MRPS15: variants seen among roughly 807,000 people sequenced by gnomAD.
The protein encoded by MRPS15 is mitochondrial ribosomal protein S15, also known as small ribosomal subunit protein uS15m.
Under a neutral mutation model 30.7 loss-of-function variants are expected in MRPS15, and 25 were observed. That is an observed-to-expected ratio of 0.81 (90% CI 0.59 to 1.14). The LOEUF is 1.14. Ranked by LOEUF, MRPS15 falls within the 50% of genes most tolerant of loss-of-function variation. The pLI, the probability that MRPS15 is intolerant of heterozygous loss-of-function variation, is 0.00. For missense variants in MRPS15, 313 were observed against 321.7 expected, an observed-to-expected ratio of 0.97 and a Z score of 0.21; for synonymous variants, 124 against 120.1, an observed-to-expected ratio of 1.03 and a Z score of -0.21.
At position 36,457,989 on chromosome 1, in the gene MRPS15, C is replaced by G. The variant is rs1256325443; in HGVS notation, c.386-8G>C. 9.3e-6 allele frequency: 15 copies of G among 1,613,912 alleles called. No homozygotes were observed. The highest frequency in any genetic ancestry group is 1.2e-5 in the Non-Finnish European group (14 of 1,179,916). ...TGACAGACAAGGCAATAACTGAAAC[C>G]ACAAACCACAGAGGATGAGAGTTGG... On this transcript the variant is annotated splice_polypyrimidine_tract_variant and splice_region_variant and intron_variant, in intron 5 of 7. Coordinates refer to ENST00000373116, the MANE Select transcript of MRPS15 (RefSeq NM_031280.4).
chr1:36,457,880 C>T, intron 6 of MRPS15, 43 bp downstream of exon 6: 2 of 1,599,864 alleles, frequency 1.3e-6, no homozygotes, highest in Middle Eastern at 1.7e-4. Context: ...CCCCTTTCCC[C>T]CAGGCTGCTG....
intron 5 of MRPS15, chr1:36,459,419 AAAG>A (rs1173167828): frequency 6.6e-6 from 1 of 151,976 alleles, no homozygotes; most frequent in Non-Finnish European, 1.5e-5. Flanking sequence ...AAAAAAAAAA[AAAG>A]AATCAAAACT....
intron 5 of MRPS15, chr1:36,459,576 G>C (rs1324591129): frequency 6.6e-6 from 1 of 152,214 alleles, no homozygotes; most frequent in East Asian, 1.9e-4. Context: ...CCTAGCCCAG[G>C]GCTTTAGCAG....
rs1650164789 is a variant in MRPS15 at position 36,464,219 on chromosome 1, C to T, written c.57G>A (p.Gln19=). ...LSLIRTRAVT[Q]VLVPGLPGGG... ...CGCCCGGCAGCCCGGGTACTAGGAC[C>T]TGGGTAACTGCCCGGGTCCGAATCA... Residue 19 remains glutamine, a synonymous_variant, in exon 1 of 8, where the codon CAG becomes CAA. Transcript: ENST00000373116. 4 of 1,614,094 alleles carry T rather than the reference C, an allele frequency of 2.5e-6. No individual in the cohort carries two copies. The East Asian group carries it at 6.7e-5, about 27-fold the overall frequency.
At position 36,464,229 on chromosome 1, in the gene MRPS15, GC is replaced by G; in HGVS notation, c.46del (p.Ala16GlnfsTer6). The G allele has an allele frequency of 6.2e-7, 1 of 1,614,044 alleles. No homozygotes were observed. Among genetic ancestry groups the G allele is most frequent in the Non-Finnish European group, 8.5e-7 (1 of 1,179,976 alleles). ...WRTLSLIRTR[A>X]VTQVLVPGLP... ...CCCGGGTACTAGGACCTGGGTAACTGCCCGGGTCCGAATCAAACTCAGCGTC... is the reference window on the plus strand; with the variant it reads ...CCCGGGTACTAGGACCTGGGTAACTGCCGGGTCCGAATCAAACTCAGCGTC... On this transcript the variant is annotated frameshift_variant, in exon 1 of 8. Transcript: ENST00000373116. LOFTEE classifies it high-confidence loss of function.
chr1:36,460,787 C>G lies in MRPS15; in HGVS notation c.301-11G>C. Reference sequence around the variant, plus strand: ...TTTTAGCATCTCCTTCTGTTGAAGACAGAGACAGAGAAAATCTGTGGAGTC... The same window carrying G: ...TTTTAGCATCTCCTTCTGTTGAAGAGAGAGACAGAGAAAATCTGTGGAGTC... On this transcript the variant is annotated splice_polypyrimidine_tract_variant and intron_variant, in intron 4 of 7. Transcript: ENST00000373116. 6.2e-7 allele frequency: 1 copy of G among 1,611,174 alleles called. No homozygotes were observed. The highest frequency in any genetic ancestry group is 8.5e-7 in the Non-Finnish European group (1 of 1,177,400).
chr1:36,462,872 A>G (rs1385598882), intron 2 of MRPS15, among the ~76,000 whole-genome samples: 1 of 152,212 alleles, frequency 6.6e-6, no homozygotes, highest in Non-Finnish European at 1.5e-5. Context: ...GGGTCTTGCT[A>G]TGTTGCCCAG....
chr1:36,455,828 G>A lies in MRPS15; in HGVS notation c.734C>T (p.Pro245Leu), dbSNP rs1649982971. 2 of 1,614,072 alleles carry A rather than the reference G, an allele frequency of 1.2e-6. No homozygotes were observed. The highest frequency in any genetic ancestry group is 2.2e-5 in the East Asian group (1 of 44,888). ...KQAKRRNPDS[P>L]AKAIPKTLKD... ...GAGTGTCTTTGGTATGGCTTTGGCA[G>A]GGCTGTCTGGGTTCCTCCGCTTTGC... The change falls in exon 8 of 8, where the codon CCT becomes CTT. Residue 245 changes from proline (P) to leucine (L), a missense_variant. Physicochemically the swap from Pro to Leu is moderately conservative, Grantham distance 98. Transcript: ENST00000373116.
chr1:36,461,862 G>A (rs189180592), intron 3 of MRPS15, among the ~76,000 whole-genome samples: 64 of 152,098 alleles, frequency 4.2e-4, no homozygotes, highest in Non-Finnish European at 4.4e-5. Context: ...AGTGGTACAG[G>A]GTGTTCATCT....
chr1:36,460,088 G>T (rs556808532), intron 5 of MRPS15, among the ~76,000 whole-genome samples: 6 of 152,318 alleles, frequency 3.9e-5, no homozygotes, highest in African/African-American at 1.4e-4. Context: ...TCGGCTCACT[G>T]CAAGCTCCGC....
chr1:36,457,373 A>G (rs1225526681), intron 6 of MRPS15, among the ~76,000 whole-genome samples: 2 of 152,078 alleles, frequency 1.3e-5, no homozygotes. Flanking sequence ...TGCCTTAAGG[A>G]ATAACTTAAT....
rs1650113252 is a variant in MRPS15 at position 36,462,239 on chromosome 1, C to T, written c.176-76G>A. On this transcript the variant is annotated intron_variant, in intron 2 of 7. Transcript: ENST00000373116. ...CCACCCTCCCAGACCTGGCTCTTTT[C>T]ACCCACTCTCCAACTCCAGAAGGGA... 5 of 1,088,048 alleles carry T rather than the reference C, an allele frequency of 4.6e-6. No individual in the cohort carries two copies. The East Asian group carries it at 1.2e-4, about 27-fold the overall frequency. 67.4% of individuals were successfully genotyped at this position (1,088,048 alleles called of 1,614,324 possible). A position where few individuals can be genotyped will look rare whatever the true frequency, so the allele number is the denominator to read the frequency against.
At chr1:36,464,122 C>A (rs1251233948) in intron 1 of MRPS15, 24 bp downstream of exon 1, 1 of 1,608,726 alleles carries the variant, frequency 6.2e-7, no homozygotes, top group Admixed American at 1.7e-5. Flanking sequence ...CCTACGCCCG[C>A]CGTCCCATTT....
Position 36,456,222 on chromosome 1 carries a change from G to C in MRPS15, c.601C>G (p.Arg201Gly), listed in dbSNP as rs756037511. The part of the protein sequence containing the change: ...FPPLYYRRAH[R>G]RFVTKKALCI... Reference sequence around the variant, plus strand: ...AGAGCCTTCTTGGTCACGAATCGGCGGTGGGCTCTTCGGTAATACAGAGGG... The same window carrying C: ...AGAGCCTTCTTGGTCACGAATCGGCCGTGGGCTCTTCGGTAATACAGAGGG... The change falls in exon 7 of 8, where the codon CGC becomes GGC. Residue 201 changes from arginine to glycine, a missense_variant. Coordinates refer to ENST00000373116, the MANE Select transcript of MRPS15 (RefSeq NM_031280.4). 2.1e-5 allele frequency: 34 copies of C among 1,612,916 alleles called. No homozygotes were observed. In the African/African-American group the frequency reaches 2.7e-4, roughly 13 times the overall value.
At chr1:36,464,091 AT>A in intron 1 of MRPS15, 54 bp downstream of exon 1, 2 of 1,595,358 alleles carry the variant, frequency 1.3e-6, no homozygotes, top group Non-Finnish European at 1.7e-6. Flanking sequence ...CTTATTCCCT[AT>A]CTTCGCCGAA....
In MRPS15 at chr1:36,463,868, G is replaced by A; in HGVS notation, c.131-18C>T. The A allele has an allele frequency of 2.5e-6, 4 of 1,606,952 alleles. No individual in the cohort carries two copies. Among genetic ancestry groups the A allele is most frequent in the East Asian group, 2.2e-5 (1 of 44,794 alleles). ...GAGGAGACCTACGCAGAAAAGAGAG[G>A]GCTGAGGACCATCTCCTTAAATAGC... On this transcript the variant is annotated intron_variant, in intron 1 of 7. Transcript: ENST00000373116.
Position 36,463,812 on chromosome 1 carries a change from T to C in MRPS15, c.169A>G (p.Lys57Glu), listed in dbSNP as rs1187746081. ...LQAARGYVVRKPAQSRLDDDP... is the reference protein window; with the variant it reads ...LQAARGYVVREPAQSRLDDDP... ...CCACCTTAGGAACTCCTACCTGGTTTCCGGACGACATATCCGCGCGCGGCC... is the reference window on the plus strand; with the variant it reads ...CCACCTTAGGAACTCCTACCTGGTTCCCGGACGACATATCCGCGCGCGGCC... The change falls in exon 2 of 8, where the codon AAA becomes GAA. Residue 57 changes from lysine (K) to glutamate (E), a missense_variant. By Grantham distance (56) the Lys-to-Glu change is moderately conservative. Coordinates refer to ENST00000373116, the MANE Select transcript of MRPS15 (RefSeq NM_031280.4). 6.2e-7 allele frequency: 1 copy of C among 1,612,694 alleles called. No individual in the cohort carries two copies. Among genetic ancestry groups the C allele is most frequent in the South Asian group, 1.1e-5 (1 of 90,992 alleles).
At position 36,464,152 on chromosome 1, in the gene MRPS15, G is replaced by A. The variant is rs201932753; in HGVS notation, c.124C>T (p.Pro42Ser). ...CCATTTCTCAGCTCCTCACTTCGAG[G>A]CTGCAGGCCCCACTGGTTGAAAGGA... The part of the protein sequence containing the change: ...KFPFNQWGLQ[P>S]RSLLLQAARG... Residue 42 changes from proline (P) to serine (S), a missense_variant, in exon 1 of 8, where the codon CCT (proline) becomes TCT (serine). Coordinates refer to ENST00000373116, the MANE Select transcript of MRPS15 (RefSeq NM_031280.4). 3 of 1,613,092 alleles carry A rather than the reference G, an allele frequency of 1.9e-6. No individual in the cohort carries two copies. Among genetic ancestry groups the A allele is most frequent in the Non-Finnish European group, 2.5e-6 (3 of 1,179,640 alleles).
At chr1:36,461,177 G>T in intron 4 of MRPS15, 87 bp downstream of exon 4, 1 of 1,233,542 alleles carries the variant, frequency 8.1e-7, no homozygotes, top group Non-Finnish European at 1.2e-6. Context: ...GACTGGAGAA[G>T]CATGAGATGC....
Sources: allele counts gnomAD v4.1 joint callset (sites outside exome capture counted in the v4.1 genomes callset), GRCh38; gene constraint gnomAD v4.1.1; transcripts MANE v1.5; gene names NCBI Gene and HGNC (gene_info 2026-07-23, HGNC 2026-07-21).